Variants in HECW2 observed in about 807,000 individuals in gnomAD.
HECW2 encodes the protein E3 ubiquitin-protein ligase HECW2.
In HECW2, 61 loss-of-function variants were observed where a neutral mutation model predicts 175.2. That is an observed-to-expected ratio of 0.35 (90% CI 0.28 to 0.43). The LOEUF (loss-of-function observed/expected upper bound fraction) is 0.43. Ranked by LOEUF, HECW2 falls within the 20% of genes least tolerant of loss-of-function variation. HECW2 has a pLI of 1.00. For missense variants in HECW2, 1,524 were observed against 2,000.5 expected, an observed-to-expected ratio of 0.76 and a Z score of 4.54; for synonymous variants, 671 against 731.0, an observed-to-expected ratio of 0.92 and a Z score of 1.32.
intron 2 of HECW2, among the ~76,000 whole-genome samples, chr2:196,419,282 G>C (rs1695344700): frequency 6.6e-6 from 1 of 152,168 alleles, no homozygotes; most frequent in Admixed American, 6.5e-5. Flanking sequence ...CGATTTTTCT[G>C]AATCCTCACT....
chr2:196,325,758 T>C (rs1040977731), intron 5 of HECW2, among the ~76,000 whole-genome samples: 3 of 152,224 alleles, frequency 2.0e-5, no homozygotes, highest in African/African-American at 7.2e-5. Context: ...GGGGAAATGT[T>C]TTCTGAAATG....
chr2:196,392,952 C>G (rs1159983441), intron 2 of HECW2, among the ~76,000 whole-genome samples: 1 of 152,178 alleles, frequency 6.6e-6, no homozygotes. Flanking sequence ...GGTACCAAAA[C>G]AGAGATACAG....
chr2:196,480,389 T>C (rs1057114005), intron 1 of HECW2, among the ~76,000 whole-genome samples: 4 of 152,310 alleles, frequency 2.6e-5, no homozygotes, highest in South Asian at 2.1e-4. Context: ...CTGACTTCTA[T>C]TTAGGGATCC....
Position 196,253,942 on chromosome 2 carries a change from C to G in HECW2, c.3507G>C (p.Val1169=). 1 of 1,614,030 alleles carries G rather than the reference C, an allele frequency of 6.2e-7. No homozygotes were observed. Among genetic ancestry groups the G allele is most frequent in the South Asian group, 1.1e-5 (1 of 91,080 alleles). The stretch of plus-strand genomic sequence containing the variant: ...CACCTGGCGAGTTCTGAGGAGATGA[C>G]ACGGGAGAGCCACGTGGGGACTGAC... ...SYCQSPRGSP[V]SSPQNSPGTQ... is the part of the protein sequence containing the mutation. Residue 1169 remains valine, a synonymous_variant, in exon 19 of 29, where the codon GTG becomes GTC. Coordinates refer to ENST00000644978, the MANE Select transcript of HECW2 (RefSeq NM_001348768.2).
At chr2:196,491,369 TACACACACACAC>T (rs67409257) in intron 1 of HECW2, among the ~76,000 whole-genome samples, 4 of 130,630 alleles carry the variant, frequency 3.1e-5, no homozygotes, top group South Asian at 2.5e-4. Context: ...CATATATATA[TACACACACACAC>T]ACACACACAC....
chr2:196,377,092 C>T (rs1003008209), intron 2 of HECW2, among the ~76,000 whole-genome samples: 15 of 152,048 alleles, frequency 9.9e-5, no homozygotes, highest in African/African-American at 3.1e-4. Context: ...AACATTAATT[C>T]CTAAATCAAA....
chr2:196,428,674 A>G (rs1695618630), intron 2 of HECW2, among the ~76,000 whole-genome samples: 2 of 152,184 alleles, frequency 1.3e-5, no homozygotes, highest in South Asian at 4.1e-4. Flanking sequence ...TTTTTATATC[A>G]AAATTGTTGT....
At chr2:196,407,516 A>C (rs1182174602) in intron 2 of HECW2, among the ~76,000 whole-genome samples, 4 of 152,216 alleles carry the variant, frequency 2.6e-5, no homozygotes, top group African/African-American at 9.6e-5. Flanking sequence ...ACACTTTCAC[A>C]AACATTTGTT....
At chr2:196,324,711 A>G (rs1361212005) in intron 6 of HECW2, among the ~76,000 whole-genome samples, 1 of 152,100 alleles carries the variant, frequency 6.6e-6, no homozygotes. Flanking sequence ...ATTAATTGTG[A>G]GTTAAAAAAA....
At chr2:196,286,324 G>A (rs990872949) in intron 14 of HECW2, among the ~76,000 whole-genome samples, 8 of 149,374 alleles carry the variant, frequency 5.4e-5, no homozygotes, top group African/African-American at 2.0e-4. Context: ...AGGTGGAGTA[G>A]AAGTGCATTA....
chr2:196,492,492 A>C (rs529920723), intron 1 of HECW2, among the ~76,000 whole-genome samples: 1 of 152,346 alleles, frequency 6.6e-6, no homozygotes, highest in South Asian at 2.1e-4. Flanking sequence ...CATAGTCCAT[A>C]AAGTGTCAGC....
chr2:196,367,746 T>A (rs1693784553), intron 2 of HECW2, among the ~76,000 whole-genome samples: 1 of 152,098 alleles, frequency 6.6e-6, no homozygotes. Context: ...ATGCGAAGTG[T>A]GTCTTTCTGT....
chr2:196,429,968 T>G (rs903483502), intron 2 of HECW2, among the ~76,000 whole-genome samples: 1 of 152,038 alleles, frequency 6.6e-6, no homozygotes, highest in Non-Finnish European at 1.5e-5. Flanking sequence ...GAAAACAGAG[T>G]GACCAGAGGT....
intron 12 of HECW2, 99 bp downstream of exon 12, chr2:196,307,031 C>T: frequency 1.3e-6 from 1 of 791,966 alleles, no homozygotes; most frequent in East Asian, 2.6e-5. Context: ...TATTGAAGAG[C>T]AAAAGTTCTC....
intron 19 of HECW2, among the ~76,000 whole-genome samples, chr2:196,243,224 A>G (rs1254744581): frequency 6.8e-6 from 1 of 147,404 alleles, no homozygotes; most frequent in Admixed American, 6.9e-5. Flanking sequence ...CTGGAGTGCA[A>G]TGGCACAATC....
intron 1 of HECW2, among the ~76,000 whole-genome samples, chr2:196,588,931 G>A (rs1027284525): frequency 1.7e-4 from 26 of 152,172 alleles, no homozygotes; most frequent in Non-Finnish European, 2.9e-5. Context: ...GCCGGTCACG[G>A]TGGCTCACAC....
At chr2:196,577,197 G>A (rs762372980) in intron 1 of HECW2, among the ~76,000 whole-genome samples, 3 of 152,138 alleles carry the variant, frequency 2.0e-5, no homozygotes, top group Non-Finnish European at 4.4e-5. Flanking sequence ...GCAGCTGGTT[G>A]CATTCACAGA....
intron 1 of HECW2, among the ~76,000 whole-genome samples, chr2:196,435,377 A>T (rs554204587): frequency 6.6e-6 from 1 of 152,346 alleles, no homozygotes; most frequent in Admixed American, 6.5e-5. Context: ...ACAGGCCATT[A>T]TTTCTTTATA....
At chr2:196,559,873 C>T (rs1398796319) in intron 1 of HECW2, among the ~76,000 whole-genome samples, 1 of 152,102 alleles carries the variant, frequency 6.6e-6, no homozygotes, top group Non-Finnish European at 1.5e-5. Flanking sequence ...CAACAATGTA[C>T]AATAAATATC....
Sources: gnomAD v4.1 joint callset for allele counts (sites outside exome capture counted in the v4.1 genomes callset) on GRCh38, gnomAD v4.1.1 for gene constraint, MANE v1.5 for transcripts, NCBI Gene and HGNC (gene_info 2026-07-23, HGNC 2026-07-21) for gene names.